SYCP2: variants seen among roughly 807,000 people sequenced by gnomAD.
The protein encoded by SYCP2 is synaptonemal complex lateral element protein.
SYCP2 carries 55 observed loss-of-function variants against 211.3 expected under a neutral mutation model. The ratio of observed to expected loss-of-function variants is 0.26; its 90% CI spans 0.21 to 0.33. The LOEUF (loss-of-function observed/expected upper bound fraction) is 0.33. SYCP2 is among the 10% of genes least tolerant of loss of function. The probability of loss-of-function intolerance (pLI) is 1.00; values close to 1 mark genes in which losing one functional copy is unlikely to be tolerated. For synonymous variants in SYCP2, 570 were observed against 555.2 expected (o/e 1.03, Z -0.37); for missense variants, 1,731 against 1,752.0 (o/e 0.99, Z 0.21).
intron 2 of SYCP2, among the ~76,000 whole-genome samples, chr20:59,928,849 T>C (rs2060681621): frequency 6.6e-6 from 1 of 152,118 alleles, no homozygotes; most frequent in Non-Finnish European, 1.5e-5. Context: ...TAAATGTTTA[T>C]AAACTATTAG....
chr20:59,903,506 G>A (rs562313467), intron 15 of SYCP2, among the ~76,000 whole-genome samples: 4 of 151,986 alleles, frequency 2.6e-5, no homozygotes, highest in Non-Finnish European at 1.5e-5. Flanking sequence ...CTGAGAGAGA[G>A]GAGGAAGATA....
chr20:59,879,850 T>TACAC (rs2059638036), intron 31 of SYCP2, among the ~76,000 whole-genome samples: 1 of 99,138 alleles, frequency 1.0e-5, no homozygotes, highest in African/African-American at 4.6e-5. Context: ...TATATATATA[T>TACAC]ATATATATAT....
chr20:59,881,839 T>G, intron 28 of SYCP2, 106 bp downstream of exon 28: 2 of 756,506 alleles, frequency 2.6e-6, no homozygotes, highest in Admixed American at 6.4e-5. Flanking sequence ...CTTAAAAATT[T>G]TAAAGCATAT....
chr20:59,926,756 T>C (rs1311982025), intron 2 of SYCP2, among the ~76,000 whole-genome samples: 1 of 152,088 alleles, frequency 6.6e-6, no homozygotes, highest in African/African-American at 2.4e-5. Flanking sequence ...AGTTGAGGTT[T>C]TGAATGTACT....
At position 59,916,521 on chromosome 20, in the gene SYCP2, T is replaced by C. The variant is rs1204915132; in HGVS notation, c.478A>G (p.Ile160Val). The change falls in exon 8 of 45, where the codon ATT (isoleucine) becomes GTT (valine). Residue 160 changes from isoleucine to valine, a missense_variant. Physicochemically the swap from Ile to Val is conservative, Grantham distance 29 (BLOSUM62 3). Around this residue, in one of 3 missense-constraint regions of SYCP2, gnomAD observed 335 missense variants for 378.8 expected, o/e 0.88. Transcript: ENST00000357552. The stretch of plus-strand genomic sequence containing the variant: ...ATACAAATATTCACTCTTGAGTCAA[T>C]AACCAGGGAACAAATGCGAGGTACG... ...SFVPRICSLV[I>V]DSRVNICIQQ... 4 of 1,611,920 alleles carry C rather than the reference T, an allele frequency of 2.5e-6. No homozygotes were observed. The highest frequency in any genetic ancestry group is 2.5e-6 in the Non-Finnish European group (3 of 1,178,152).
intron 6 of SYCP2, 101 bp from the exon 7 acceptor site, chr20:59,919,283 A>G (rs560229859): frequency 1.4e-6 from 1 of 711,884 alleles, no homozygotes; most frequent in Non-Finnish European, 2.4e-6. Context: ...GACAGATTAC[A>G]TTTTAACTCA....
At chr20:59,877,875 G>C in intron 32 of SYCP2, 133 bp downstream of exon 32, 3 of 692,342 alleles carry the variant, frequency 4.3e-6, no homozygotes, top group South Asian at 3.9e-5. Flanking sequence ...AGGAGAAAGT[G>C]TGCAAAAGAA....
At chr20:59,879,695 A>AC (rs907996066) in intron 31 of SYCP2, among the ~76,000 whole-genome samples, 1 of 149,848 alleles carries the variant, frequency 6.7e-6, no homozygotes, top group Admixed American at 6.7e-5. Context: ...GAAAACTTAG[A>AC]CCCAAAAAAA....
chr20:59,876,766 A>G (rs1397671082), intron 33 of SYCP2, among the ~76,000 whole-genome samples: 2 of 152,158 alleles, frequency 1.3e-5, no homozygotes, highest in African/African-American at 4.8e-5. Context: ...ATATATTTAT[A>G]TACTATACAC....
At chr20:59,899,905 C>G (rs895201752) in intron 18 of SYCP2, 1 of 474,504 alleles carries the variant, frequency 2.1e-6, no homozygotes, top group Non-Finnish European at 3.7e-6. Context: ...TATCTCTAAT[C>G]TGCAATTTAC....
In SYCP2 at chr20:59,886,842, A is replaced by T; in HGVS notation, c.2365-8T>A. The T allele has an allele frequency of 1.9e-6, 3 of 1,563,934 alleles. No homozygotes were observed. The highest frequency in any genetic ancestry group is 4.2e-5 in the Admixed American group (2 of 47,904). On this transcript the variant is annotated splice_region_variant and splice_polypyrimidine_tract_variant and intron_variant, in intron 24 of 44. Transcript: ENST00000357552. The stretch of plus-strand genomic sequence containing the variant: ...CCCTTTTGACTTTTCTCTCTGAAAA[A>T]AATTGTAAGTTACTTTTAAACTCTA...
intron 24 of SYCP2, among the ~76,000 whole-genome samples, chr20:59,889,197 A>G (rs6071001): frequency 6.6e-6 from 1 of 152,178 alleles, no homozygotes; most frequent in Middle Eastern, 3.4e-3. Context: ...CACAGAATGT[A>G]CAACAAAGCA....
chr20:59,886,209 A>G (rs1416994846), intron 25 of SYCP2, among the ~76,000 whole-genome samples: 1 of 152,092 alleles, frequency 6.6e-6, no homozygotes, highest in Non-Finnish European at 1.5e-5. Context: ...ATTCCACCAT[A>G]AGAATCATTT....
intron 14 of SYCP2, among the ~76,000 whole-genome samples, chr20:59,910,374 ATTTTTTTT>A (rs898302276): frequency 5.2e-5 from 4 of 76,232 alleles, no homozygotes; most frequent in Admixed American, 1.6e-4. Context: ...GTAATTGCTT[ATTTTTTTT>A]TTTTTTTTTT....
chr20:59,902,781 A>T (rs2060140118), intron 15 of SYCP2, among the ~76,000 whole-genome samples: 1 of 152,182 alleles, frequency 6.6e-6, no homozygotes, highest in African/African-American at 2.4e-5. Flanking sequence ...CAATTGCTTG[A>T]AAGTGGTAAC....
At position 59,864,055 on chromosome 20, in the gene SYCP2, A is replaced by G. The variant is rs1227861437; in HGVS notation, c.*256T>C. ...CTCATTTTATGAGTATAATTAACTC[A>G]AAAAGTTTCTTAAAGCTTTTATCTC... On this transcript the variant is annotated 3_prime_UTR_variant, in exon 45 of 45. Transcript: ENST00000357552. 3 of 256,618 alleles carry G rather than the reference A, an allele frequency of 1.2e-5. No homozygotes were observed. The highest frequency in any genetic ancestry group is 2.2e-5 in the Non-Finnish European group (3 of 135,444). 15.9% of individuals were successfully genotyped at this position (256,618 alleles called of 1,614,324 possible).
chr20:59,879,744 TTTGTGTCTATATAA>T (rs1211453409), intron 31 of SYCP2, among the ~76,000 whole-genome samples: 1 of 149,192 alleles, frequency 6.7e-6, no homozygotes, highest in African/African-American at 2.4e-5. Context: ...TGATATATTT[TTTGTGTCTATATAA>T]ATTCCTAAAA....
chr20:59,865,679 T>C (rs1045136787), intron 42 of SYCP2, 28 bp from the exon 43 acceptor site: 2 of 1,468,632 alleles, frequency 1.4e-6, no homozygotes, highest in Non-Finnish European at 9.3e-7. Context: ...GAGTTAACCT[T>C]GTATTTATCA....
chr20:59,903,942 T>C (rs1600920757), intron 15 of SYCP2, among the ~76,000 whole-genome samples: 2 of 152,082 alleles, frequency 1.3e-5, no homozygotes, highest in African/African-American at 4.8e-5. Context: ...AAATATCATA[T>C]GTTTAAAGGT....
Sources: gnomAD v4.1 joint callset for allele counts (sites outside exome capture counted in the v4.1 genomes callset) on GRCh38, gnomAD v4.1.1 for gene constraint, gnomAD v4.1.1 regional missense constraint, MANE v1.5 for transcripts, NCBI Gene and HGNC (gene_info 2026-07-23, HGNC 2026-07-21) for gene names.